BEAN1: variants seen among roughly 807,000 people sequenced by gnomAD.
The protein encoded by BEAN1 is brain expressed associated with NEDD4 1.
A neutral mutation model predicts 17.7 loss-of-function variants in BEAN1; 17 were observed. The ratio of observed to expected loss-of-function variants is 0.96; its 90% CI spans 0.66 to 1.44. BEAN1 has a LOEUF of 1.44. Ranked by LOEUF, BEAN1 falls within the 40% of genes most tolerant of loss-of-function variation. BEAN1 has a pLI of 0.00. For missense variants in BEAN1, 359 were observed against 374.1 expected (o/e 0.96, Z 0.33); for synonymous variants, 142 against 151.8 (o/e 0.94, Z 0.47).
intron 2 of BEAN1, among the ~76,000 whole-genome samples, chr16:66,456,779 A>AT (rs1962884021): frequency 6.6e-6 from 1 of 152,264 alleles, no homozygotes; most frequent in South Asian, 2.1e-4. Flanking sequence ...ACCTTAGTGA[A>AT]TGATGACAAG....
intron 3 of BEAN1, among the ~76,000 whole-genome samples, chr16:66,475,110 G>A (rs898091647): frequency 6.6e-6 from 1 of 152,226 alleles, no homozygotes; most frequent in African/African-American, 2.4e-5. Context: ...CTTATGTGAA[G>A]TGGGAAGCAG....
chr16:66,435,299 A>C (rs1961970783), intron 1 of BEAN1, among the ~76,000 whole-genome samples: 1 of 152,062 alleles, frequency 6.6e-6, no homozygotes, highest in Non-Finnish European at 1.5e-5. Flanking sequence ...TGGATGGGTT[A>C]TTTCCCTGAG....
At chr16:66,483,490 G>A (rs1379239916), downstream of BEAN1, 1 of 152,624 alleles carries the variant, frequency 6.6e-6, no homozygotes, top group African/African-American at 2.4e-5. Context: ...AGAGAGGAAA[G>A]TGGCAATGAA....
chr16:66,433,296 A>C (rs1961876450), intron 1 of BEAN1, among the ~76,000 whole-genome samples: 1 of 152,088 alleles, frequency 6.6e-6, no homozygotes, highest in African/African-American at 2.4e-5. Flanking sequence ...TTTTTAGTAG[A>C]GATAGGATTT....
At chr16:66,450,734 C>T (rs1962642092) in intron 2 of BEAN1, among the ~76,000 whole-genome samples, 2 of 150,520 alleles carry the variant, frequency 1.3e-5, no homozygotes, top group South Asian at 4.2e-4. Context: ...TCTCAAAAAT[C>T]AAAAAAGAAA....
intron 2 of BEAN1, among the ~76,000 whole-genome samples, chr16:66,448,802 A>G (rs1187672054): frequency 6.6e-6 from 1 of 152,138 alleles, no homozygotes; most frequent in Non-Finnish European, 1.5e-5. Flanking sequence ...GGGCAACAGA[A>G]CGAGACTCTG....
At chr16:66,443,684 T>A in intron 2 of BEAN1, among the ~76,000 whole-genome samples, 1 of 152,196 alleles carries the variant, frequency 6.6e-6, no homozygotes, top group East Asian at 1.9e-4. Flanking sequence ...ATCTTAATTT[T>A]TTTTTAATAC....
At chr16:66,464,341 ATTTT>A (rs369026974) in intron 2 of BEAN1, among the ~76,000 whole-genome samples, 1 of 146,452 alleles carries the variant, frequency 6.8e-6, no homozygotes, top group African/African-American at 2.5e-5. Context: ...TAAGTTTTGT[ATTTT>A]TTTTTTTCTT....
At chr16:66,480,171 GA>G (rs1963930902) in intron 4 of BEAN1, among the ~76,000 whole-genome samples, 1 of 152,146 alleles carries the variant, frequency 6.6e-6, no homozygotes, top group South Asian at 2.1e-4. Flanking sequence ...GGGCCCAGGG[GA>G]CTCTTTCCTA....
intron 3 of BEAN1, 54 bp from the exon 4 acceptor site, chr16:66,477,506 G>C (rs1363165053): frequency 6.8e-7 from 1 of 1,463,672 alleles, no homozygotes; most frequent in Non-Finnish European, 9.0e-7. Flanking sequence ...AGACCCATAA[G>C]GACCATCCCT....
Position 66,437,736 on chromosome 16 carries a change from G to C in BEAN1, c.25+35G>C, listed in dbSNP as rs773307538. 6 of 1,525,328 alleles carry C rather than the reference G, an allele frequency of 3.9e-6. No homozygotes were observed. The Admixed American group carries it at 1.2e-4, about 30-fold the overall frequency. The allele number at this position is 1,525,328 out of a possible 1,614,324, so 94.5% of individuals were successfully genotyped here. On this transcript the variant is annotated intron_variant, in intron 2 of 4. Transcript: ENST00000536005. Reference sequence around the variant, plus strand: ...CTCCCCACATCCTTCCACCACTTGGGGCCAGGCAAGGGCAGAGCTTGGAGT... The same window carrying C: ...CTCCCCACATCCTTCCACCACTTGGCGCCAGGCAAGGGCAGAGCTTGGAGT...
chr16:66,438,954 T>C (rs952120510), intron 2 of BEAN1, among the ~76,000 whole-genome samples: 23 of 152,134 alleles, frequency 1.5e-4, no homozygotes, highest in Admixed American at 1.3e-4. Context: ...CTGCTCACTG[T>C]GGGTAATGCC....
downstream of BEAN1, chr16:66,493,590 C>T: frequency 1.8e-6 from 1 of 553,808 alleles, no homozygotes; most frequent in South Asian, 2.6e-5. Flanking sequence ...CCAGCCCTGG[C>T]CCCTGGCCCT....
At chr16:66,474,573 G>GGAGGGAGAGAGGGAGGGAGA in intron 3 of BEAN1, among the ~76,000 whole-genome samples, 4 of 75,304 alleles carry the variant, frequency 5.3e-5, no homozygotes, top group Non-Finnish European at 7.3e-5. Flanking sequence ...AGGGAGAGAG[G>GGAGGGAGAGAGGGAGGGAGA]GAGGGAGAGA....
intron 4 of BEAN1, among the ~76,000 whole-genome samples, chr16:66,487,956 C>A (rs1412747726): frequency 1.3e-5 from 2 of 152,204 alleles, no homozygotes; most frequent in African/African-American, 2.4e-5. Context: ...ATGCAATTAA[C>A]ACCAAATCCA....
At chr16:66,467,123 T>C (rs547146608) in intron 2 of BEAN1, among the ~76,000 whole-genome samples, 4 of 152,196 alleles carry the variant, frequency 2.6e-5, no homozygotes, top group Non-Finnish European at 5.9e-5. Flanking sequence ...GAATGCTACA[T>C]GCATCATAAC....
At chr16:66,448,813 T>C (rs1485800873) in intron 2 of BEAN1, among the ~76,000 whole-genome samples, 1 of 151,642 alleles carries the variant, frequency 6.6e-6, no homozygotes, top group Non-Finnish European at 1.5e-5. Flanking sequence ...CGAGACTCTG[T>C]CTCAAAAAAA....
chr16:66,476,685 T>TGTC (rs532269898), intron 3 of BEAN1, among the ~76,000 whole-genome samples: 9 of 152,342 alleles, frequency 5.9e-5, no homozygotes, highest in African/African-American at 2.2e-4. Context: ...CACTGTGTGT[T>TGTC]GTCCTCCAGC....
chr16:66,484,789 C>T (rs9925352), downstream of BEAN1: 13,198 of 454,046 alleles, frequency 0.029, 1,481 homozygotes, highest in African/African-American at 0.24. The surrounding 1 kb of genome is among the most constrained non-coding windows in gnomAD (Gnocchi z 4.2). Context: ...CAGAGTAGAA[C>T]GCACCTCAAA....
Sources: gnomAD v4.1 joint callset for allele counts (sites outside exome capture counted in the v4.1 genomes callset) on GRCh38, gnomAD v4.1.1 for gene constraint, Gnocchi (gnomAD v3.1) non-coding constraint, MANE v1.5 for transcripts, NCBI Gene and HGNC (gene_info 2026-07-23, HGNC 2026-07-21) for gene names.